The following DOT1L variants were observed in gnomAD, a reference collection of about 807,000 sequenced individuals.
DOT1L encodes the protein histone-lysine N-methyltransferase, H3 lysine-79 specific.
Under a neutral mutation model 153.3 loss-of-function variants are expected in DOT1L, and 33 were observed. The observed-to-expected ratio is 0.22, with a 90% CI of 0.16 to 0.29. The LOEUF is 0.29. Ranked by LOEUF, DOT1L falls within the 10% of genes least tolerant of loss-of-function variation. DOT1L has a pLI of 1.00. For synonymous variants in DOT1L, 1,135 were observed against 965.1 expected (o/e 1.18, Z -3.26); for missense variants, 1,847 against 2,119.9 (o/e 0.87, Z 2.53).
At chr19:2,183,905 A>G (rs1029544957) in intron 2 of DOT1L, among the ~76,000 whole-genome samples, 346 of 141,508 alleles carry the variant, frequency 2.4e-3, no homozygotes, top group Middle Eastern at 3.4e-3. Flanking sequence ...GATTATAGGC[A>G]TGAGCCACCA....
chr19:2,214,115 G>A, intron 18 of DOT1L, 129 bp downstream of exon 18: 3 of 1,405,108 alleles, frequency 2.1e-6, no homozygotes, highest in Non-Finnish European at 9.5e-7. Flanking sequence ...CAGACGAATT[G>A]CGCCACCTGT....
chr19:2,211,913 T>G, intron 16 of DOT1L, 71 bp downstream of exon 16: 1 of 1,425,798 alleles, frequency 7.0e-7, no homozygotes, highest in East Asian at 2.5e-5. Flanking sequence ...TGGGCATCTG[T>G]CCCCTGTGGC....
At chr19:2,229,191 G>A (rs2024493943) in intron 27 of DOT1L, 1 of 985,354 alleles carries the variant, frequency 1.0e-6, no homozygotes, top group African/African-American at 1.7e-5. Flanking sequence ...GGAATGTCCT[G>A]TTCACTCCTC....
At chr19:2,213,263 C>T (rs970169813) in intron 16 of DOT1L, 3 of 383,364 alleles carry the variant, frequency 7.8e-6, no homozygotes, top group Non-Finnish European at 1.4e-5. Context: ...CCGGCCTCTG[C>T]GTGGCTGGGG....
In DOT1L at chr19:2,208,946, T is replaced by G; in HGVS notation, c.975T>G (p.Tyr325Ter). The change falls in exon 12 of 28, where the codon TAT becomes TAG. Residue 325 changes from tyrosine to a stop codon, truncating the protein, a stop_gained. Transcript: ENST00000398665. LOFTEE classifies it high-confidence loss of function. The surrounding 1 kb of genome is among the most constrained non-coding windows in gnomAD (Gnocchi z 4.4). Reference sequence around the variant, plus strand: ...TTTCTTCTTTTTAGCTTGAAAACTATTTTTCTAGTCTGAAAAACCCAAAAC... The same window carrying G: ...TTTCTTCTTTTTAGCTTGAAAACTAGTTTTCTAGTCTGAAAAACCCAAAAC... Reference protein sequence around the residue: ...HTIDRTILENYFSSLKNPKLR... With the variant: ...HTIDRTILEN 1 of 1,613,442 alleles carries G rather than the reference T, an allele frequency of 6.2e-7. No homozygotes were observed. The highest frequency in any genetic ancestry group is 8.5e-7 in the Non-Finnish European group (1 of 1,179,752).
intron 8 of DOT1L, 68 bp from the exon 9 acceptor site, chr19:2,202,632 G>T: frequency 6.6e-7 from 1 of 1,508,674 alleles, no homozygotes; most frequent in Middle Eastern, 1.7e-4. Flanking sequence ...AGCGGTTGTT[G>T]GCTGCGCCGG....
At position 2,226,250 on chromosome 19, in the gene DOT1L, C is replaced by T. The variant is rs769004821; in HGVS notation, c.3729C>T (p.Ser1243=). 1 of 1,569,382 alleles carries T rather than the reference C, an allele frequency of 6.4e-7. No homozygotes were observed. The highest frequency in any genetic ancestry group is 1.2e-5 in the South Asian group (1 of 85,266). ...GEPVNSSKWK[S]TFSPISDIGL... Reference sequence around the variant, plus strand: ...CAGTCAATAGCAGCAAGTGGAAGTCCACCTTCTCGCCCATCTCCGACATCG... The same window carrying T: ...CAGTCAATAGCAGCAAGTGGAAGTCTACCTTCTCGCCCATCTCCGACATCG... The change falls in exon 27 of 28, where the codon TCC becomes TCT. Residue 1243 remains serine, a synonymous_variant. Coordinates refer to ENST00000398665, the MANE Select transcript of DOT1L (RefSeq NM_032482.3).
Position 2,191,179 on chromosome 19 carries a change from G to A in DOT1L, c.432G>A (p.Val144=). ...ACGGGGAGACCTCCTTCGACCTGGT[G>A]GCCCAGATGATTGATGAGATCAAGA... ...EVYGETSFDL[V]AQMIDEIKMT... The change falls in exon 5 of 28, where the codon GTG becomes GTA. Residue 144 remains valine (V), a synonymous_variant. Transcript: ENST00000398665. The surrounding 1 kb of genome is among the most constrained non-coding windows in gnomAD (Gnocchi z 6.8). 6.2e-7 allele frequency: 1 copy of A among 1,613,824 alleles called. No individual in the cohort carries two copies. Among genetic ancestry groups the A allele is most frequent in the Non-Finnish European group, 8.5e-7 (1 of 1,179,980 alleles).
chr19:2,166,473 G>A (rs1056510655), intron 1 of DOT1L, among the ~76,000 whole-genome samples: 1 of 151,096 alleles, frequency 6.6e-6, no homozygotes. Context: ...GTGCAGTGGT[G>A]CCATCTCTGC....
intron 8 of DOT1L, 40 bp from the exon 9 acceptor site, chr19:2,202,660 A>G: frequency 6.3e-7 from 1 of 1,598,990 alleles, no homozygotes. Context: ...TGCCCGTGAG[A>G]CGAGCCTTCA....
At chr19:2,221,378 CAGG>C (rs1333425456) in intron 23 of DOT1L, 1 of 153,058 alleles carries the variant, frequency 6.5e-6, no homozygotes, top group African/African-American at 2.4e-5. Context: ...GTGACAGTTT[CAGG>C]AGATTTTCAA....
intron 27 of DOT1L, chr19:2,228,575 A>T (rs1036249594): frequency 4.1e-6 from 4 of 985,046 alleles, no homozygotes; most frequent in African/African-American, 1.7e-5. Context: ...GAGTGGCCTG[A>T]GTGTGTTGGG....
In DOT1L at chr19:2,230,313, C is replaced by A; in HGVS notation, c.*521C>A. On this transcript the variant is annotated 3_prime_UTR_variant, in exon 28 of 28. Coordinates refer to ENST00000398665, the MANE Select transcript of DOT1L (RefSeq NM_032482.3). ...AGGCAGGCCCGTCGCCACCACATTC[C>A]TCGGAGGCCTCCCCGCGGCCTGAGC... 1 of 416,662 alleles carries A rather than the reference C, an allele frequency of 2.4e-6. No homozygotes were observed. Among genetic ancestry groups the A allele is most frequent in the Non-Finnish European group, 4.2e-6 (1 of 237,498 alleles). 25.8% of individuals were successfully genotyped at this position (416,662 alleles called of 1,614,324 possible).
chr19:2,217,192 C>T lies in DOT1L; in HGVS notation c.2544+102C>T, dbSNP rs534345961. ...GCTTGTCCTAGTTGACCTTGGGGCA[C>T]GGTGAGGTACTGGGGCTGACCTGGA... On this transcript the variant is annotated intron_variant, in intron 21 of 27. Coordinates refer to ENST00000398665, the MANE Select transcript of DOT1L (RefSeq NM_032482.3). The surrounding 1 kb of genome is among the most constrained non-coding windows in gnomAD (Gnocchi z 7.3). 59 of 1,422,946 alleles carry T rather than the reference C, an allele frequency of 4.1e-5. No homozygotes were observed. The highest frequency in any genetic ancestry group is 7.3e-5 in the South Asian group (5 of 68,716). 88.1% of individuals were successfully genotyped at this position (1,422,946 alleles called of 1,614,324 possible).
At chr19:2,177,119 A>C (rs1265197437) in intron 1 of DOT1L, among the ~76,000 whole-genome samples, 1 of 151,526 alleles carries the variant, frequency 6.6e-6, no homozygotes, top group Non-Finnish European at 1.5e-5. Flanking sequence ...CAGGAAGAAG[A>C]CTCCCCCGTG....
intron 7 of DOT1L, among the ~76,000 whole-genome samples, chr19:2,196,069 C>A (rs193055717): frequency 6.6e-6 from 1 of 152,254 alleles, no homozygotes; most frequent in Non-Finnish European, 1.5e-5. Flanking sequence ...TTCCTCGGAT[C>A]GCCGTGAGGC....
At chr19:2,169,634 C>T (rs998561701) in intron 1 of DOT1L, among the ~76,000 whole-genome samples, 17 of 152,122 alleles carry the variant, frequency 1.1e-4, no homozygotes, top group Admixed American at 1.1e-3. Flanking sequence ...GCTGGGATTA[C>T]AGGTGTGAGC....
At chr19:2,225,567 C>T in intron 26 of DOT1L, 115 bp downstream of exon 26, 1 of 1,178,482 alleles carries the variant, frequency 8.5e-7, no homozygotes. Flanking sequence ...TGGTGCTGGC[C>T]CGCTGCGTCG....
At chr19:2,198,867 A>G (rs1029975773) in intron 7 of DOT1L, among the ~76,000 whole-genome samples, 2 of 152,054 alleles carry the variant, frequency 1.3e-5, no homozygotes, top group African/African-American at 4.8e-5. Context: ...TGCATCCGCG[A>G]TGTGGCCTGG....
Sources: gnomAD v4.1 joint callset for allele counts (sites outside exome capture counted in the v4.1 genomes callset) on GRCh38, gnomAD v4.1.1 for gene constraint, Gnocchi (gnomAD v3.1) non-coding constraint, MANE v1.5 for transcripts, NCBI Gene and HGNC (gene_info 2026-07-23, HGNC 2026-07-21) for gene names.